Variants in HS6ST3 observed in about 807,000 individuals in gnomAD.
HS6ST3 encodes the protein heparan-sulfate 6-O-sulfotransferase 3.
Under a neutral mutation model 36.7 loss-of-function variants are expected in HS6ST3, and 12 were observed. That is an observed-to-expected ratio of 0.33 (90% CI 0.21 to 0.53). The LOEUF is 0.53. Ranked by LOEUF, HS6ST3 falls within the 20% of genes least tolerant of loss-of-function variation. The pLI is 0.95. For missense variants in HS6ST3, 584 were observed against 640.9 expected (o/e 0.91, Z 0.96); for synonymous variants, 240 against 257.5 (o/e 0.93, Z 0.65).
intron 1 of HS6ST3, among the ~76,000 whole-genome samples, chr13:96,521,132 G>A (rs1254224669): frequency 6.6e-6 from 1 of 152,166 alleles, no homozygotes; most frequent in Non-Finnish European, 1.5e-5. Context: ...CATTGGTTCT[G>A]TTTATGTGAT....
chr13:96,796,439 G>T (rs1301152803), intron 1 of HS6ST3, among the ~76,000 whole-genome samples: 2 of 152,098 alleles, frequency 1.3e-5, no homozygotes, highest in Non-Finnish European at 2.9e-5. Context: ...GAGCAGCTCA[G>T]ACTAGTGGTA....
intron 1 of HS6ST3, among the ~76,000 whole-genome samples, chr13:96,379,638 A>G (rs1435469648): frequency 6.6e-6 from 1 of 152,224 alleles, no homozygotes; most frequent in East Asian, 1.9e-4. Context: ...GAGTTGATAT[A>G]ATCCTCAAAA....
In HS6ST3 at chr13:96,663,326, A is replaced by C. The variant is rs75170901; in HGVS notation, c.708-169164A>C. On this transcript the variant is annotated intron_variant, in intron 1 of 1. Transcript: ENST00000376705. ...GAGCTGTGCAAAACTTCTCTCCCAC[A>C]GTTCTCCATGGGAAATTTGAGTAAG... Among the ~76,000 whole-genome samples, 861 of 152,330 alleles carry C rather than the reference A, an allele frequency of 5.7e-3. 5 individuals carry two copies. The highest frequency in any genetic ancestry group is 0.02 in the African/African-American group (815 of 41,574).
chr13:96,257,354 A>G (rs1218451493), intron 1 of HS6ST3, among the ~76,000 whole-genome samples: 2 of 152,182 alleles, frequency 1.3e-5, no homozygotes, highest in Non-Finnish European at 2.9e-5. Flanking sequence ...AAGATTATTT[A>G]TAGATTATTT....
chr13:96,784,606 T>C (rs984327278), intron 1 of HS6ST3, among the ~76,000 whole-genome samples: 23 of 152,332 alleles, frequency 1.5e-4, no homozygotes, highest in Non-Finnish European at 2.5e-4. Context: ...ATTAGTCAGC[T>C]GAAAATATTG....
rs767344605 is a variant in HS6ST3 at position 96,837,044 on chromosome 13, C to T, written c.*3846C>T. On this transcript the variant is annotated 3_prime_UTR_variant, in exon 2 of 2. Coordinates refer to ENST00000376705, the MANE Select transcript of HS6ST3 (RefSeq NM_153456.4). ...CATGGGTTAAAACCTAGACATTTGC[C>T]ACATCTAGCTGCAAAGAAGGCTAGG... is the stretch of plus-strand genomic sequence containing the variant. 1 of 152,142 alleles carries T rather than the reference C, an allele frequency of 6.6e-6. No homozygotes were observed. The highest frequency in any genetic ancestry group is 1.5e-5 in the Non-Finnish European group (1 of 68,040). The allele number at this position is 152,142 out of a possible 1,614,324, so 9.4% of individuals were successfully genotyped here.
chr13:96,825,050 G>A (rs994957096), intron 1 of HS6ST3, among the ~76,000 whole-genome samples: 4 of 152,172 alleles, frequency 2.6e-5, no homozygotes, highest in Non-Finnish European at 5.9e-5. Flanking sequence ...CTTCCACGGA[G>A]GACGTGAGAG....
chr13:96,597,943 T>C (rs2056407882), intron 1 of HS6ST3, among the ~76,000 whole-genome samples: 1 of 152,092 alleles, frequency 6.6e-6, no homozygotes, highest in Non-Finnish European at 1.5e-5. Flanking sequence ...CTTTCCCCAG[T>C]GTAGGTTTTT....
intron 1 of HS6ST3, among the ~76,000 whole-genome samples, chr13:96,191,101 C>T (rs545914660): frequency 6.6e-6 from 1 of 152,288 alleles, no homozygotes; most frequent in East Asian, 1.9e-4. Flanking sequence ...TAATCTGTGA[C>T]TTTCTGTTTC....
intron 1 of HS6ST3, among the ~76,000 whole-genome samples, chr13:96,142,384 C>T (rs890554038): frequency 6.6e-6 from 1 of 151,960 alleles, no homozygotes; most frequent in African/African-American, 2.4e-5. Flanking sequence ...ACACTTTTCC[C>T]AAAGAACTAA....
At chr13:96,573,013 A>C (rs962791045) in intron 1 of HS6ST3, among the ~76,000 whole-genome samples, 2 of 152,190 alleles carry the variant, frequency 1.3e-5, no homozygotes, top group Non-Finnish European at 1.5e-5. Context: ...ATTCATTTTC[A>C]GTGTTATAAT....
intron 1 of HS6ST3, among the ~76,000 whole-genome samples, chr13:96,480,396 G>A (rs1365784362): frequency 2.0e-5 from 3 of 152,174 alleles, no homozygotes; most frequent in Admixed American, 1.3e-4. Flanking sequence ...TTACAGGCAT[G>A]AGCCACTGCA....
intron 1 of HS6ST3, among the ~76,000 whole-genome samples, chr13:96,333,221 T>C (rs1364994678): frequency 6.6e-6 from 1 of 152,188 alleles, no homozygotes; most frequent in South Asian, 2.1e-4. Flanking sequence ...TTTTGGGCCA[T>C]AGGCTAATAT....
At chr13:96,656,043 T>C (rs1410071219) in intron 1 of HS6ST3, among the ~76,000 whole-genome samples, 3 of 152,182 alleles carry the variant, frequency 2.0e-5, no homozygotes, top group African/African-American at 7.2e-5. Flanking sequence ...TACTAATTGA[T>C]ATAATCCCCT....
At chr13:96,298,890 C>A (rs1331858510) in intron 1 of HS6ST3, among the ~76,000 whole-genome samples, 1 of 152,038 alleles carries the variant, frequency 6.6e-6, no homozygotes, top group Non-Finnish European at 1.5e-5. Context: ...AAAAGGATTA[C>A]CAATACCTGT....
intron 1 of HS6ST3, among the ~76,000 whole-genome samples, chr13:96,689,442 A>G (rs1017201306): frequency 2.6e-5 from 4 of 151,976 alleles, no homozygotes; most frequent in African/African-American, 9.7e-5. Flanking sequence ...ATATTCTGGT[A>G]TAGTTTATGC....
chr13:96,675,162 C>T (rs1451745744), intron 1 of HS6ST3, among the ~76,000 whole-genome samples: 1 of 152,008 alleles, frequency 6.6e-6, no homozygotes, highest in Non-Finnish European at 1.5e-5. Flanking sequence ...AATATACATG[C>T]ACAAATACAC....
At chr13:96,317,401 A>AATATAT (rs1159536290) in intron 1 of HS6ST3, among the ~76,000 whole-genome samples, 1 of 120,348 alleles carries the variant, frequency 8.3e-6, no homozygotes, top group African/African-American at 3.1e-5. Flanking sequence ...TATATCATGG[A>AATATAT]ATATATATAT....
intron 1 of HS6ST3, among the ~76,000 whole-genome samples, chr13:96,166,519 A>T (rs1235956484): frequency 6.6e-6 from 1 of 151,300 alleles, no homozygotes; most frequent in African/African-American, 2.4e-5. Flanking sequence ...TAGTCTTTTA[A>T]TATAGTCTAG....
Sources: gnomAD v4.1 joint callset for allele counts (sites outside exome capture counted in the v4.1 genomes callset) on GRCh38, gnomAD v4.1.1 for gene constraint, MANE v1.5 for transcripts, NCBI Gene and HGNC (gene_info 2026-07-23, HGNC 2026-07-21) for gene names.